The following MYO1B variants were observed in gnomAD, a reference collection of about 807,000 sequenced individuals.
MYO1B encodes myosin IB, also known as unconventional myosin-Ib.
Under a neutral mutation model 159.7 loss-of-function variants are expected in MYO1B, and 72 were observed. The ratio of observed to expected loss-of-function variants is 0.45; its 90% confidence interval spans 0.37 to 0.55. The LOEUF (loss-of-function observed/expected upper bound fraction) is 0.55, where lower values mean the gene tolerates loss of function less well. MYO1B is among the 20% of genes least tolerant of loss of function. MYO1B has a pLI of 0.00. For synonymous variants in MYO1B, 468 were observed against 473.8 expected (o/e 0.99, Z 0.16); for missense variants, 1,062 against 1,364.8 (o/e 0.78, Z 3.50).
intron 3 of MYO1B, among the ~76,000 whole-genome samples, chr2:191,309,894 C>A (rs1316811035): frequency 6.6e-6 from 1 of 152,182 alleles, no homozygotes; most frequent in Non-Finnish European, 1.5e-5. Flanking sequence ...TGAGCACTTG[C>A]GCTTTATTTT....
intron 16 of MYO1B, among the ~76,000 whole-genome samples, chr2:191,386,941 T>TA (rs1000046128): frequency 1.3e-5 from 2 of 152,198 alleles, no homozygotes; most frequent in African/African-American, 4.8e-5. Context: ...TTCAGACTCC[T>TA]AAAAAATGCA....
chr2:191,409,504 T>C (rs1245124324), intron 26 of MYO1B, among the ~76,000 whole-genome samples: 1 of 152,218 alleles, frequency 6.6e-6, no homozygotes, highest in Non-Finnish European at 1.5e-5. Flanking sequence ...AGGAATACTG[T>C]AGGACAGAGA....
intron 2 of MYO1B, among the ~76,000 whole-genome samples, chr2:191,278,020 TTA>T (rs1687848270): frequency 6.6e-6 from 1 of 152,356 alleles, no homozygotes; most frequent in East Asian, 1.9e-4. Context: ...TTTTGTAAAA[TTA>T]TATGCAAATT....
intron 28 of MYO1B, 107 bp from the exon 29 acceptor site, chr2:191,414,410 T>C: frequency 1.8e-6 from 2 of 1,123,088 alleles, no homozygotes; most frequent in South Asian, 3.6e-5. Context: ...TACATAGGTA[T>C]GTTTGTTGAA....
chr2:191,352,191 C>G (rs1262584938), intron 7 of MYO1B, among the ~76,000 whole-genome samples: 1 of 152,176 alleles, frequency 6.6e-6, no homozygotes, highest in Non-Finnish European at 1.5e-5. Flanking sequence ...GGCAGCTGAT[C>G]AGAGCTATCC....
At chr2:191,336,610 G>A (rs1324161665) in intron 4 of MYO1B, among the ~76,000 whole-genome samples, 3 of 152,102 alleles carry the variant, frequency 2.0e-5, no homozygotes, top group South Asian at 2.1e-4. Flanking sequence ...TCATTGCAGG[G>A]CCCATGCATT....
At chr2:191,336,950 A>T (rs898385931) in intron 4 of MYO1B, among the ~76,000 whole-genome samples, 4 of 152,186 alleles carry the variant, frequency 2.6e-5, no homozygotes, top group African/African-American at 9.7e-5. Context: ...ATGCCATATG[A>T]CCTGTAGATC....
chr2:191,346,897 C>G (rs1409095864), intron 6 of MYO1B, among the ~76,000 whole-genome samples: 1 of 152,184 alleles, frequency 6.6e-6, no homozygotes, highest in Non-Finnish European at 1.5e-5. Context: ...CTGTGCCTTG[C>G]ATGTTGACGC....
Position 191,411,057 on chromosome 2 carries a change from A to G in MYO1B, c.2767-9A>G, listed in dbSNP as rs770361407. On this transcript the variant is annotated splice_polypyrimidine_tract_variant and intron_variant, in intron 26 of 30. Transcript: ENST00000392318. Reference sequence around the variant, plus strand: ...TGATGTTTTGTTTCTTTCTTCTCATATCTCACAGTGTAAAAAATACAGGGA... The same window carrying G: ...TGATGTTTTGTTTCTTTCTTCTCATGTCTCACAGTGTAAAAAATACAGGGA... 7.3e-6 allele frequency: 11 copies of G among 1,498,218 alleles called. No individual in the cohort carries two copies. In the South Asian group the frequency reaches 8.5e-5, roughly 12 times the overall value. The allele number at this position is 1,498,218 out of a possible 1,614,324, so 92.8% of individuals were successfully genotyped here. A position where few individuals can be genotyped will look rare whatever the true frequency, so the allele number is the denominator to read the frequency against.
chr2:191,404,962 A>G (rs553339462), intron 24 of MYO1B, among the ~76,000 whole-genome samples: 1 of 152,362 alleles, frequency 6.6e-6, no homozygotes, highest in East Asian at 1.9e-4. Flanking sequence ...AATTTGCCAC[A>G]TAGATTGACT....
At chr2:191,374,962 T>G (rs1694608426) in intron 13 of MYO1B, among the ~76,000 whole-genome samples, 1 of 152,260 alleles carries the variant, frequency 6.6e-6, no homozygotes, top group Non-Finnish European at 1.5e-5. Context: ...TACATTGATT[T>G]CAGCTCGTTT....
At chr2:191,296,335 T>TC (rs1688981341) in intron 3 of MYO1B, 109 bp downstream of exon 3, 2 of 468,530 alleles carry the variant, frequency 4.3e-6, no homozygotes, top group Non-Finnish European at 6.9e-6. Context: ...TTTGTCAGTT[T>TC]TTTTTAAAAA....
At chr2:191,254,888 C>G (rs955668438) in intron 1 of MYO1B, among the ~76,000 whole-genome samples, 14 of 152,042 alleles carry the variant, frequency 9.2e-5, no homozygotes, top group African/African-American at 3.4e-4. Flanking sequence ...TGTTTAGGTG[C>G]CTAGTATGTT....
At chr2:191,412,855 A>T (rs367586287) in intron 27 of MYO1B, among the ~76,000 whole-genome samples, 1 of 147,382 alleles carries the variant, frequency 6.8e-6, no homozygotes, top group Admixed American at 6.8e-5. Context: ...GAAAAAAAAA[A>T]TTGCCCTGAT....
intron 15 of MYO1B, among the ~76,000 whole-genome samples, chr2:191,385,210 A>G (rs1359119007): frequency 6.6e-6 from 1 of 152,234 alleles, no homozygotes; most frequent in African/African-American, 2.4e-5. Flanking sequence ...AAAAATGACC[A>G]CAGGGTCTAG....
At chr2:191,315,528 G>A (rs1690294146) in intron 3 of MYO1B, among the ~76,000 whole-genome samples, 1 of 152,200 alleles carries the variant, frequency 6.6e-6, no homozygotes, top group African/African-American at 2.4e-5. Context: ...TAAGCTTACT[G>A]AACTTGAACT....
At position 191,396,418 on chromosome 2, in the gene MYO1B, TTATCC is replaced by T. The variant is rs1277999491; in HGVS notation, c.2227-8_2227-4del. ...CTACAACTGCCAATATCTTCCCCTT[TTATCC>T]TACAGCAACAAAAGAGGTACCAGCA... On this transcript the variant is annotated splice_region_variant and splice_polypyrimidine_tract_variant and intron_variant, in intron 20 of 30. Coordinates refer to ENST00000392318, the MANE Select transcript of MYO1B (RefSeq NM_001130158.3). 6.2e-7 allele frequency: 1 copy of T among 1,614,020 alleles called. No individual in the cohort carries two copies. The highest frequency in any genetic ancestry group is 2.2e-5 in the East Asian group (1 of 44,872).
intron 17 of MYO1B, among the ~76,000 whole-genome samples, chr2:191,388,809 G>A (rs1400889): frequency 0.82 from 124,164 of 152,048 alleles, 54,535 homozygotes; most frequent in Non-Finnish European, 0.98. Context: ...CATTATATAT[G>A]CTTTAGTAAC....
intron 5 of MYO1B, among the ~76,000 whole-genome samples, chr2:191,341,945 G>A (rs1692251034): frequency 6.6e-6 from 1 of 151,946 alleles, no homozygotes; most frequent in Non-Finnish European, 1.5e-5. Context: ...GGCTCACCCC[G>A]AGAAACACTT....
Sources: allele counts gnomAD v4.1 joint callset (sites outside exome capture counted in the v4.1 genomes callset), GRCh38; gene constraint gnomAD v4.1.1; transcripts MANE v1.5; gene names NCBI Gene and HGNC (gene_info 2026-07-23, HGNC 2026-07-21).